The following STAT5A variants were observed in gnomAD, a reference collection of about 807,000 sequenced individuals.
STAT5A encodes epididymis secretory sperm binding protein.
STAT5A carries 26 observed loss-of-function variants against 100.2 expected under a neutral mutation model. The observed-to-expected ratio is 0.26, with a 90% CI of 0.19 to 0.36. The LOEUF (loss-of-function observed/expected upper bound fraction) is 0.36. Ranked by LOEUF, STAT5A falls within the 10% of genes least tolerant of loss-of-function variation. STAT5A has a pLI of 1.00. For synonymous variants in STAT5A, 330 were observed against 424.3 expected (o/e 0.78, Z 2.73); for missense variants, 634 against 1,027.5 (o/e 0.62, Z 5.24).
chr17:42,299,416 A>G (rs1418811969), intron 5 of STAT5A, among the ~76,000 whole-genome samples: 1 of 152,202 alleles, frequency 6.6e-6, no homozygotes, highest in Admixed American at 6.5e-5. Flanking sequence ...CTTACACCCC[A>G]GACAGCCTGG....
chr17:42,303,136 C>T (rs1332896799), intron 9 of STAT5A, among the ~76,000 whole-genome samples: 2 of 152,088 alleles, frequency 1.3e-5, no homozygotes, highest in African/African-American at 2.4e-5. Context: ...ATCCCAGCTA[C>T]TCAGGAGGCT....
chr17:42,299,652 C>G lies in STAT5A; in HGVS notation c.551-99C>G, dbSNP rs1423132122. 1.9e-6 allele frequency: 3 copies of G among 1,586,724 alleles called. No homozygotes were observed. The African/African-American group carries it at 4.0e-5, about 21-fold the overall frequency. ...ACTTGCTCTTGATGCAGTGTCTGAG[C>G]CTGGGAGGGTCTCGCTCCAGAACAG... is the stretch of plus-strand genomic sequence containing the variant. On this transcript the variant is annotated intron_variant, in intron 5 of 18. Transcript: ENST00000590949.
Position 42,308,968 on chromosome 17 carries a change from A to AC in STAT5A, c.2063-78dup, listed in dbSNP as rs1243883776. ...ACAAGGTGATGTGAGCAGGAGGGAG[A>AC]CTACATGGGGCGTGGGCTTCCACCC... On this transcript the variant is annotated intron_variant, in intron 16 of 18. Transcript: ENST00000590949. This position sits in a 1 kb window ranked among gnomAD's most constrained non-coding sequence, Gnocchi z 4.6. The AC allele has an allele frequency of 2.7e-5, 42 of 1,572,948 alleles. No homozygotes were observed. The East Asian group carries it at 9.2e-4, about 34-fold the overall frequency.
Position 42,308,418 on chromosome 17 carries a change from G to A in STAT5A, c.2062+85G>A, listed in dbSNP as rs764446120. 5 of 1,592,604 alleles carry A rather than the reference G, an allele frequency of 3.1e-6. No homozygotes were observed. In the East Asian group the frequency reaches 9.0e-5, roughly 29 times the overall value. ...ACAAAGCCTTGGGCTGCGCCGTGGG[G>A]ACTTCCCCAGGAGGAGCCTAGGGGC... On this transcript the variant is annotated intron_variant, in intron 16 of 18. Transcript: ENST00000590949. This position sits in a 1 kb window ranked among gnomAD's most constrained non-coding sequence, Gnocchi z 4.6.
chr17:42,291,809 T>A (rs191113170), intron 3 of STAT5A, among the ~76,000 whole-genome samples, 163 bp from the exon 4 acceptor site: 1 of 151,576 alleles, frequency 6.6e-6, no homozygotes, highest in South Asian at 2.1e-4. Flanking sequence ...GAGGGGAAGA[T>A]GAGGATGAGG....
chr17:42,310,364 G>T (rs1473767305), intron 18 of STAT5A, 143 bp from the exon 19 acceptor site: 2 of 793,244 alleles, frequency 2.5e-6, no homozygotes, highest in South Asian at 1.7e-5. Context: ...TACCCAGCTT[G>T]GGGTGGGGTG....
Position 42,289,522 on chromosome 17 carries a change from G to A in STAT5A, c.111G>A (p.Trp37Ter). The change falls in exon 2 of 19, where the codon TGG (tryptophan) becomes TGA (stop). Residue 37 changes from tryptophan to a stop codon, truncating the protein, a stop_gained. Transcript: ENST00000590949. LOFTEE classifies it high-confidence loss of function. The part of the protein sequence containing the change: ...PIEVRHYLAQ[W>*]IESQPWDAID... ...AGGTCCGGCACTACTTGGCCCAGTG[G>A]ATTGAGAGCCAGCCATGGTAGGCAC... 6.2e-7 allele frequency: 1 copy of A among 1,613,060 alleles called. No individual in the cohort carries two copies.
chr17:42,310,510 T>C lies in STAT5A; in HGVS notation c.2226T>C (p.Pro742=), dbSNP rs2081069605. Residue 742 remains proline, a synonymous_variant, in exon 19 of 19, where the codon CCT becomes CCC. Transcript: ENST00000590949. ...GACATCCCCCTGTCTTTACCAGCCCTGACCATGTACTCGATCAGGATGGAG... is the reference window on the plus strand; with the variant it reads ...GACATCCCCCTGTCTTTACCAGCCCCGACCATGTACTCGATCAGGATGGAG... ...QAPYNMYPQN[P]DHVLDQDGEF... is the part of the protein sequence containing the mutation. 1.2e-6 allele frequency: 2 copies of C among 1,614,160 alleles called. No homozygotes were observed. Among genetic ancestry groups the C allele is most frequent in the Non-Finnish European group, 1.7e-6 (2 of 1,180,024 alleles).
In STAT5A at chr17:42,299,346, G is replaced by A. The variant is rs183160211; in HGVS notation, c.551-405G>A. Among the ~76,000 whole-genome samples, 141 of 152,346 alleles carry A rather than the reference G, an allele frequency of 9.3e-4. 1 individual carries two copies. Among genetic ancestry groups the A allele is most frequent in the Admixed American group, 2.2e-3 (33 of 15,312 alleles). The stretch of plus-strand genomic sequence containing the variant: ...CTCCCGTTTTACACGTGGGGAAGCT[G>A]AGGCACAGGAAAGGAAAGCGATTTG... On this transcript the variant is annotated intron_variant, in intron 5 of 18. Coordinates refer to ENST00000590949, the MANE Select transcript of STAT5A (RefSeq NM_001288718.2).
chr17:42,295,822 C>T lies in STAT5A; in HGVS notation c.550+29C>T, dbSNP rs368789051. On this transcript the variant is annotated intron_variant, in intron 5 of 18. Coordinates refer to ENST00000590949, the MANE Select transcript of STAT5A (RefSeq NM_001288718.2). ...AGGCGCGGTGGAGGCAGTGTGCATC[C>T]GGAGGGTGGGAGTGAGGAACATTCT... The T allele has an allele frequency of 3.7e-5, 60 of 1,610,536 alleles. 1 individual carries two copies. Among genetic ancestry groups the T allele is most frequent in the East Asian group, 3.3e-4 (15 of 44,798 alleles).
chr17:42,299,712 T>C (rs777936604), intron 5 of STAT5A, 39 bp from the exon 6 acceptor site: 2 of 1,613,852 alleles, frequency 1.2e-6, no homozygotes, highest in African/African-American at 2.7e-5. Context: ...TGTTGGACAC[T>C]AGGAGGTGAT....
intron 5 of STAT5A, among the ~76,000 whole-genome samples, chr17:42,297,465 A>G (rs1196030441): frequency 6.6e-6 from 1 of 151,914 alleles, no homozygotes; most frequent in Non-Finnish European, 1.5e-5. Context: ...TGGATCTATC[A>G]TGCAGTGTCT....
At chr17:42,299,216 C>G (rs8068471) in intron 5 of STAT5A, among the ~76,000 whole-genome samples, 24,154 of 152,138 alleles carry the variant, frequency 0.16, 3,027 homozygotes, top group African/African-American at 0.35. Flanking sequence ...AACCAAGAAG[C>G]ACGAACCTCA....
At chr17:42,303,675 A>G (rs1305843175) in intron 9 of STAT5A, among the ~76,000 whole-genome samples, 1 of 151,840 alleles carries the variant, frequency 6.6e-6, no homozygotes, top group Non-Finnish European at 1.5e-5. Flanking sequence ...GCACCATCGC[A>G]CTCCAGCCTG....
intron 12 of STAT5A, among the ~76,000 whole-genome samples, chr17:42,305,912 G>T (rs577097199): frequency 2.7e-4 from 41 of 152,334 alleles, no homozygotes; most frequent in African/African-American, 9.6e-4. Context: ...ACTGGGGTCT[G>T]TGAGGACTGT....
chr17:42,289,327 C>A, intron 1 of STAT5A, 75 bp from the exon 2 acceptor site: 1 of 1,443,682 alleles, frequency 6.9e-7, no homozygotes, highest in Non-Finnish European at 9.1e-7. Context: ...GATAGGTAGG[C>A]ATGGCAAGGC....
At chr17:42,295,337 C>G (rs1186328492) in intron 4 of STAT5A, among the ~76,000 whole-genome samples, 2 of 152,156 alleles carry the variant, frequency 1.3e-5, no homozygotes, top group Non-Finnish European at 2.9e-5. Flanking sequence ...TTGGAATACT[C>G]TAGTGGAGGG....
At chr17:42,300,105 G>A (rs1241977872) in intron 6 of STAT5A, 25 bp from the exon 7 acceptor site, 1 of 1,316,370 alleles carries the variant, frequency 7.6e-7, no homozygotes, top group Admixed American at 2.2e-5. Context: ...AGCCCAGAAG[G>A]GGCTGCTCTC....
chr17:42,299,825 G>T lies in STAT5A; in HGVS notation c.625G>T (p.Val209Leu). ...GGAGACGGCCCTCCAGCAGAAGCAG[G>T]TGTCTCTGGAGGCCTGGTTGCAGCG... ...SRETALQQKQ[V>L]SLEAWLQREA... is the part of the protein sequence containing the mutation. Residue 209 changes from valine to leucine, a missense_variant, in exon 6 of 19, where the codon GTG becomes TTG. This residue lies in a region of STAT5A where 207 missense variants were observed against 256.6 expected (regional missense o/e 0.81). Coordinates refer to ENST00000590949, the MANE Select transcript of STAT5A (RefSeq NM_001288718.2). 1.9e-6 allele frequency: 3 copies of T among 1,613,438 alleles called. No individual in the cohort carries two copies. Among genetic ancestry groups the T allele is most frequent in the Non-Finnish European group, 2.5e-6 (3 of 1,179,896 alleles).
Sources: allele counts gnomAD v4.1 joint callset (sites outside exome capture counted in the v4.1 genomes callset), GRCh38; gene constraint gnomAD v4.1.1; regional missense constraint gnomAD v4.1.1; non-coding constraint Gnocchi (gnomAD v3.1); transcripts MANE v1.5; gene names NCBI Gene and HGNC (gene_info 2026-07-23, HGNC 2026-07-21).